The following LRRIQ1 variants were observed in gnomAD, a reference collection of about 807,000 sequenced individuals.
LRRIQ1 encodes the protein leucine rich repeats and IQ motif containing 1.
LRRIQ1 carries 210 observed loss-of-function variants against 211.9 expected under a neutral mutation model. The observed-to-expected ratio is 0.99, with a 90% confidence interval of 0.89 to 1.11. LRRIQ1 has a LOEUF of 1.11. Among genes scored for constraint, LRRIQ1 ranks in the 50% most tolerant of loss-of-function variants. The probability of loss-of-function intolerance (pLI) is 0.00; values close to 1 mark genes in which losing one functional copy is unlikely to be tolerated. For synonymous variants in LRRIQ1, 699 were observed against 650.1 expected (o/e 1.08, Z -1.14); for missense variants, 2,136 against 1,939.5 (o/e 1.10, Z -1.90).
chr12:85,085,359 A>G (rs1884713014), intron 11 of LRRIQ1, among the ~76,000 whole-genome samples: 1 of 152,204 alleles, frequency 6.6e-6, no homozygotes, highest in Non-Finnish European at 1.5e-5. Flanking sequence ...TCACTATCAC[A>G]AGAACAGCAT....
chr12:85,157,218 C>T (rs1440066742), intron 23 of LRRIQ1, among the ~76,000 whole-genome samples: 1 of 151,784 alleles, frequency 6.6e-6, no homozygotes, highest in Non-Finnish European at 1.5e-5. Flanking sequence ...GTGGTATGGG[C>T]AGCTACTAGG....
At position 85,072,874 on chromosome 12, in the gene LRRIQ1, T is replaced by A. The variant is rs746613431; in HGVS notation, c.2696-33T>A. 7.3e-6 allele frequency: 11 copies of A among 1,500,662 alleles called. No homozygotes were observed. The Admixed American group carries it at 1.3e-4, about 18-fold the overall frequency. The allele number at this position is 1,500,662 out of a possible 1,614,324, so 93.0% of individuals were successfully genotyped here. On this transcript the variant is annotated intron_variant, in intron 10 of 26. Transcript: ENST00000393217. Reference sequence around the variant, plus strand: ...CACTTGCATTTATTAATTCGTCTTATATATTTGGTCTTAATTCTGTCATCC... The same window carrying A: ...CACTTGCATTTATTAATTCGTCTTAAATATTTGGTCTTAATTCTGTCATCC...
intron 24 of LRRIQ1, among the ~76,000 whole-genome samples, chr12:85,171,737 C>G (rs917876778): frequency 2.6e-5 from 4 of 152,042 alleles, no homozygotes; most frequent in African/African-American, 7.2e-5. Context: ...AATGAATGTC[C>G]TTTTTAGAAG....
At chr12:85,057,746 TTA>T (rs1439596357) in intron 8 of LRRIQ1, among the ~76,000 whole-genome samples, 1 of 152,052 alleles carries the variant, frequency 6.6e-6, no homozygotes, top group Non-Finnish European at 1.5e-5. Context: ...GTTACTAATT[TTA>T]TATGGTTATG....
At chr12:85,057,298 T>C in intron 8 of LRRIQ1, 114 bp downstream of exon 8, 3 of 893,788 alleles carry the variant, frequency 3.4e-6, no homozygotes, top group Non-Finnish European at 4.7e-6. Context: ...GTCTCTTGTT[T>C]AATAAAGTTA....
intron 21 of LRRIQ1, among the ~76,000 whole-genome samples, 181 bp downstream of exon 21, chr12:85,153,326 G>A (rs1347452758): frequency 6.6e-6 from 1 of 151,442 alleles, no homozygotes; most frequent in Non-Finnish European, 1.5e-5. Flanking sequence ...AATGAAGTAG[G>A]TACATTAAAG....
intron 23 of LRRIQ1, among the ~76,000 whole-genome samples, chr12:85,160,004 A>T (rs1001502128): frequency 6.6e-6 from 1 of 152,042 alleles, no homozygotes; most frequent in South Asian, 2.1e-4. Context: ...TTACTAGAAG[A>T]CTAATGGAAA....
intron 1 of LRRIQ1, among the ~76,000 whole-genome samples, chr12:85,036,962 A>G (rs1024152472): frequency 6.6e-6 from 1 of 152,248 alleles, no homozygotes; most frequent in African/African-American, 2.4e-5. Flanking sequence ...AGTAACCACT[A>G]ACTGCAGGTG....
In LRRIQ1 at chr12:85,124,294, C is replaced by A. The variant is rs141763212; in HGVS notation, c.3782C>A (p.Pro1261Gln). Residue 1261 changes from proline (P) to glutamine (Q), a missense_variant, in exon 17 of 27, where the codon CCA becomes CAA. Transcript: ENST00000393217. Reference protein sequence around the residue: ...SCAREGEPDSPDIPEKWMDSV... With the variant: ...SCAREGEPDSQDIPEKWMDSV... The stretch of plus-strand genomic sequence containing the variant: ...GCACGTGAAGGTGAGCCAGACTCAC[C>A]AGATATTCCTGAGAAATGGATGGAC... 12 of 1,613,868 alleles carry A rather than the reference C, an allele frequency of 7.4e-6. No individual in the cohort carries two copies. The highest frequency in any genetic ancestry group is 1.0e-5 in the Non-Finnish European group (12 of 1,180,016).
rs77154654 is a variant in LRRIQ1, at chr12:85,061,139, T to C, written c.2391+3955T>C. Among the ~76,000 whole-genome samples, 1,030 of 151,868 alleles carry C rather than the reference T, an allele frequency of 6.8e-3. 17 individuals are homozygous for C. The highest frequency in any genetic ancestry group is 0.023 in the African/African-American group (968 of 41,522). On this transcript the variant is annotated intron_variant, in intron 8 of 26. Transcript: ENST00000393217. ...GCCACAGGCTAGGGAAGTTCATTCA[T>C]TTATTTATTTTAAGAAACATTTACC...
At chr12:85,222,859 A>G (rs1894465552) in intron 24 of LRRIQ1, among the ~76,000 whole-genome samples, 1 of 152,128 alleles carries the variant, frequency 6.6e-6, no homozygotes, top group Admixed American at 6.6e-5. Context: ...ACACATACAT[A>G]TATCACCACA....
chr12:85,186,830 C>A (rs1323363975), intron 24 of LRRIQ1, among the ~76,000 whole-genome samples: 5 of 151,782 alleles, frequency 3.3e-5, no homozygotes, highest in African/African-American at 9.7e-5. Context: ...CATCCCTCAT[C>A]CCCTTAATCC....
chr12:85,228,615 T>C (rs929419926), intron 24 of LRRIQ1, among the ~76,000 whole-genome samples: 6 of 152,182 alleles, frequency 3.9e-5, no homozygotes, highest in Non-Finnish European at 8.8e-5. Context: ...CAGTAACTTT[T>C]AAAGAAGAAA....
At chr12:85,254,491 A>G (rs1896032794) in intron 1 of LRRIQ1, among the ~76,000 whole-genome samples, 1 of 152,102 alleles carries the variant, frequency 6.6e-6, no homozygotes, top group Non-Finnish European at 1.5e-5. Flanking sequence ...TTTCTACTGC[A>G]TATAGTGTTG....
At position 85,217,601 on chromosome 12, in the gene LRRIQ1, T is replaced by C. The variant is rs189131357; in HGVS notation, c.4823-11916T>C. ...ACATATGTATATATATATGTATATA[T>C]GTATATGTGTATATATATGTATATA... On this transcript the variant is annotated intron_variant, in intron 24 of 26. Transcript: ENST00000393217. 4.0e-3 allele frequency among the ~76,000 whole-genome samples: 557 copies of C among 137,554 alleles called. 3 individuals carry two copies. Among genetic ancestry groups the C allele is most frequent in the African/African-American group, 0.015 (525 of 34,320 alleles). The allele number at this position is 137,554 out of a possible 152,430, so 90.2% of individuals were successfully genotyped here. A position where few individuals can be genotyped will look rare whatever the true frequency, so the allele number is the denominator to read the frequency against.
intron 24 of LRRIQ1, among the ~76,000 whole-genome samples, chr12:85,201,243 C>CTT (rs752459984): frequency 2.4e-4 from 27 of 110,390 alleles, no homozygotes; most frequent in African/African-American, 6.2e-4. Context: ...TCTTTCTCTT[C>CTT]TTTTTTTTTT....
chr12:85,215,239 A>T (rs1033505866), intron 24 of LRRIQ1, among the ~76,000 whole-genome samples: 2 of 152,276 alleles, frequency 1.3e-5, no homozygotes, highest in African/African-American at 4.8e-5. Flanking sequence ...TTTGACAAAC[A>T]ACTTTGACAC....
At chr12:85,193,091 T>C (rs1169726002) in intron 24 of LRRIQ1, among the ~76,000 whole-genome samples, 1 of 120,458 alleles carries the variant, frequency 8.3e-6, no homozygotes, top group Non-Finnish European at 1.6e-5. Context: ...TATATAATTA[T>C]ATATATTTAT....
At chr12:85,235,858 T>G (rs935642649) in intron 26 of LRRIQ1, among the ~76,000 whole-genome samples, 4 of 152,182 alleles carry the variant, frequency 2.6e-5, no homozygotes, top group Non-Finnish European at 4.4e-5. Flanking sequence ...TATTGAGGAT[T>G]AAAAACCCAA....
Sources: gnomAD v4.1 joint callset for allele counts (sites outside exome capture counted in the v4.1 genomes callset) on GRCh38, gnomAD v4.1.1 for gene constraint, MANE v1.5 for transcripts, NCBI Gene and HGNC (gene_info 2026-07-23, HGNC 2026-07-21) for gene names.